RNLS: variants seen among roughly 807,000 people sequenced by gnomAD.
The protein encoded by RNLS is renalase.
Under a neutral mutation model 39.8 loss-of-function variants are expected in RNLS, and 39 were observed. The ratio of observed to expected loss-of-function variants is 0.98; its 90% CI spans 0.76 to 1.28. The LOEUF (loss-of-function observed/expected upper bound fraction) is 1.28. Among genes scored for constraint, RNLS ranks in the 50% most tolerant of loss-of-function variants. RNLS has a pLI of 0.00. For missense variants in RNLS, 410 were observed against 413.3 expected (o/e 0.99, Z 0.07); for synonymous variants, 147 against 150.7 (o/e 0.98, Z 0.18).
At chr10:88,559,694 T>C (rs1328626574) in intron 4 of RNLS, among the ~76,000 whole-genome samples, 4 of 112,140 alleles carry the variant, frequency 3.6e-5, no homozygotes, top group Non-Finnish European at 8.0e-5. Flanking sequence ...CAATGCAGAC[T>C]GAGAGCCTAC....
intron 4 of RNLS, among the ~76,000 whole-genome samples, chr10:88,460,802 A>C (rs1195814620): frequency 6.6e-6 from 1 of 152,094 alleles, no homozygotes; most frequent in African/African-American, 2.4e-5. Flanking sequence ...ACCTCTTTTC[A>C]TCTCAGTCAC....
intron 5 of RNLS, among the ~76,000 whole-genome samples, chr10:88,332,980 T>C (rs1383820152): frequency 2.0e-5 from 3 of 152,196 alleles, no homozygotes; most frequent in Non-Finnish European, 4.4e-5. Flanking sequence ...TGTACACTTT[T>C]GAGGAATATC....
chr10:88,548,477 A>G (rs1008684815), intron 4 of RNLS, among the ~76,000 whole-genome samples: 1 of 147,962 alleles, frequency 6.8e-6, no homozygotes, highest in Admixed American at 6.7e-5. Context: ...TATCTCTACT[A>G]AAAATACAAA....
At chr10:88,562,708 G>A (rs1397313300) in intron 4 of RNLS, among the ~76,000 whole-genome samples, 3 of 151,986 alleles carry the variant, frequency 2.0e-5, no homozygotes, top group Non-Finnish European at 4.4e-5. Context: ...CAATGAAAAG[G>A]ATAAAAACAA....
chr10:88,240,623 C>T, the RNLS span, among the ~76,000 whole-genome samples: 1 of 152,094 alleles, frequency 6.6e-6, no homozygotes, highest in East Asian at 1.9e-4. Context: ...CTCCCACATC[C>T]AATCAATCAC....
chr10:88,557,985 A>C (rs1252496556), intron 4 of RNLS, among the ~76,000 whole-genome samples: 1 of 152,172 alleles, frequency 6.6e-6, no homozygotes, highest in African/African-American at 2.4e-5. Flanking sequence ...AAGTTCTAAA[A>C]GAAGCACACA....
intron 4 of RNLS, among the ~76,000 whole-genome samples, chr10:88,534,090 T>C (rs1187949814): frequency 6.6e-6 from 1 of 152,070 alleles, no homozygotes; most frequent in Admixed American, 6.6e-5. Flanking sequence ...AGAAGAAATT[T>C]ATAAAGAAGG....
At chr10:88,243,042 A>C in the RNLS span, among the ~76,000 whole-genome samples, 1 of 152,240 alleles carries the variant, frequency 6.6e-6, no homozygotes, top group Non-Finnish European at 1.5e-5. Flanking sequence ...CAAGCGGAAC[A>C]TTGATCAGTT....
the RNLS span, among the ~76,000 whole-genome samples, chr10:88,202,300 G>A: frequency 7.9e-6 from 1 of 126,086 alleles, no homozygotes; most frequent in Non-Finnish European, 1.6e-5. Flanking sequence ...GCCTGATGTG[G>A]GGTGGGGGGA....
At chr10:88,346,051 A>G (rs1373095099) in intron 5 of RNLS, among the ~76,000 whole-genome samples, 2 of 152,174 alleles carry the variant, frequency 1.3e-5, no homozygotes, top group East Asian at 3.8e-4. Flanking sequence ...TTATGGCAAG[A>G]TTCCAATGCA....
At chr10:88,243,565 G>A in the RNLS span, among the ~76,000 whole-genome samples, 4 of 152,058 alleles carry the variant, frequency 2.6e-5, no homozygotes, top group East Asian at 1.9e-4. Context: ...GGCAACATTC[G>A]TTACCAAAAA....
At chr10:88,291,959 T>C (rs999512994) in intron 6 of RNLS, among the ~76,000 whole-genome samples, 1 of 152,138 alleles carries the variant, frequency 6.6e-6, no homozygotes, top group Admixed American at 6.5e-5. Flanking sequence ...ACCATAGTTC[T>C]ACAAAATTGT....
chr10:88,425,158 C>T (rs753742816), intron 4 of RNLS, among the ~76,000 whole-genome samples: 20 of 152,178 alleles, frequency 1.3e-4, no homozygotes, highest in East Asian at 5.8e-4. Context: ...TATAATATTT[C>T]ACCCCCATCT....
At chr10:88,532,138 T>C (rs149859499) in intron 4 of RNLS, among the ~76,000 whole-genome samples, 2,313 of 152,208 alleles carry the variant, frequency 0.015, 30 homozygotes, top group Non-Finnish European at 0.025. Flanking sequence ...TCTTAATTCA[T>C]GTTTACGACA....
At chr10:88,359,139 C>G (rs990920846) in intron 5 of RNLS, among the ~76,000 whole-genome samples, 3 of 151,896 alleles carry the variant, frequency 2.0e-5, no homozygotes, top group Non-Finnish European at 4.4e-5. Context: ...TTGGTGAAGC[C>G]CCGTCTCTAC....
At chr10:88,547,196 A>C (rs1280707670) in intron 4 of RNLS, among the ~76,000 whole-genome samples, 1 of 152,142 alleles carries the variant, frequency 6.6e-6, no homozygotes, top group Non-Finnish European at 1.5e-5. Flanking sequence ...ATTTACTTTT[A>C]AGTTATTTTC....
the RNLS span, among the ~76,000 whole-genome samples, chr10:88,190,732 C>A: frequency 6.6e-6 from 1 of 152,194 alleles, no homozygotes; most frequent in African/African-American, 2.4e-5. Flanking sequence ...TCCTCCTCCA[C>A]CCTTGTTTAT....
intron 4 of RNLS, among the ~76,000 whole-genome samples, chr10:88,381,688 T>TTAAAG (rs1413583987): frequency 6.6e-6 from 1 of 151,964 alleles, no homozygotes; most frequent in African/African-American, 2.4e-5. Context: ...AGAGACAGTT[T>TTAAAG]TAAAGTACAA....
downstream of RNLS, among the ~76,000 whole-genome samples, chr10:88,273,230 G>A (rs1589441163): frequency 6.6e-6 from 1 of 152,196 alleles, no homozygotes; most frequent in African/African-American, 2.4e-5. Flanking sequence ...GCCCTCTGGA[G>A]CACCTCAACA....
Sources: gnomAD v4.1 joint callset for allele counts (sites outside exome capture counted in the v4.1 genomes callset) on GRCh38, gnomAD v4.1.1 for gene constraint, MANE v1.5 for transcripts, NCBI Gene and HGNC (gene_info 2026-07-23, HGNC 2026-07-21) for gene names.